Variants in SCEL observed in about 807,000 individuals in gnomAD.
The protein encoded by SCEL is sciellin.
SCEL carries 113 observed loss-of-function variants against 117.6 expected under a neutral mutation model. That is an observed-to-expected ratio of 0.96 (90% CI 0.83 to 1.12). The LOEUF (loss-of-function observed/expected upper bound fraction) is 1.12. SCEL is among the 50% of genes most tolerant of loss of function. The pLI, the probability that SCEL is intolerant of heterozygous loss-of-function variation, is 0.00. For missense variants in SCEL, 785 were observed against 810.8 expected (o/e 0.97, Z 0.39); for synonymous variants, 270 against 256.2 (o/e 1.05, Z -0.51).
At chr13:77,581,153 C>A (rs908477516) in intron 9 of SCEL, among the ~76,000 whole-genome samples, 1 of 152,118 alleles carries the variant, frequency 6.6e-6, no homozygotes, top group Non-Finnish European at 1.5e-5. Flanking sequence ...TAACTGGAAT[C>A]TCTTTTGTAG....
At chr13:77,633,716 G>A (rs1361717537) in intron 28 of SCEL, among the ~76,000 whole-genome samples, 2 of 152,122 alleles carry the variant, frequency 1.3e-5, no homozygotes, top group Non-Finnish European at 2.9e-5. Flanking sequence ...TAAATGACAG[G>A]ACTATTCTCC....
At chr13:77,642,674 T>C in intron 31 of SCEL, 32 bp from the exon 32 acceptor site, 1 of 1,284,390 alleles carries the variant, frequency 7.8e-7, no homozygotes, top group South Asian at 1.3e-5. Flanking sequence ...TCATTTACAA[T>C]GGAAACTTTA....
At chr13:77,586,970 A>G (rs1378834306) in intron 9 of SCEL, among the ~76,000 whole-genome samples, 1 of 152,156 alleles carries the variant, frequency 6.6e-6, no homozygotes, top group Non-Finnish European at 1.5e-5. Flanking sequence ...TTTCTGGCAC[A>G]TAATGACCCC....
intron 9 of SCEL, among the ~76,000 whole-genome samples, chr13:77,573,883 A>G (rs2085789147): frequency 1.3e-5 from 2 of 152,204 alleles, no homozygotes. Context: ...AGTTTAAAAC[A>G]TTCTTTCCCC....
chr13:77,571,737 G>C (rs1459843140), intron 8 of SCEL, among the ~76,000 whole-genome samples: 1 of 148,734 alleles, frequency 6.7e-6, no homozygotes, highest in East Asian at 2.1e-4. Context: ...ATATAGAGTA[G>C]AGTATAAGAT....
At chr13:77,550,145 G>T (rs1254652621) in intron 1 of SCEL, among the ~76,000 whole-genome samples, 1 of 151,796 alleles carries the variant, frequency 6.6e-6, no homozygotes, top group Admixed American at 6.6e-5. Context: ...CAGTACTTCG[G>T]GAGGCTGAGG....
At chr13:77,590,976 C>T (rs951848154) in intron 10 of SCEL, among the ~76,000 whole-genome samples, 1 of 152,046 alleles carries the variant, frequency 6.6e-6, no homozygotes, top group African/African-American at 2.4e-5. Context: ...CTTCTTCCCA[C>T]CTTTTATGAA....
At chr13:77,583,502 A>G (rs2086381361) in intron 9 of SCEL, among the ~76,000 whole-genome samples, 1 of 152,214 alleles carries the variant, frequency 6.6e-6, no homozygotes, top group Non-Finnish European at 1.5e-5. Flanking sequence ...GTTACGGCTC[A>G]TATACTGTTG....
intron 31 of SCEL, among the ~76,000 whole-genome samples, chr13:77,642,452 C>T (rs2090602845): frequency 1.3e-5 from 2 of 152,184 alleles, no homozygotes; most frequent in Admixed American, 6.5e-5. Context: ...ATAACTAGCT[C>T]TCCCTTAAGT....
At chr13:77,558,714 G>A (rs1273066470) in intron 3 of SCEL, among the ~76,000 whole-genome samples, 1 of 151,226 alleles carries the variant, frequency 6.6e-6, no homozygotes, top group Non-Finnish European at 1.5e-5. Flanking sequence ...TACTCAGGAG[G>A]CTGAGACAGG....
At chr13:77,604,238 A>T in intron 18 of SCEL, 118 bp from the exon 19 acceptor site, 2 of 589,698 alleles carry the variant, frequency 3.4e-6, no homozygotes, top group Non-Finnish European at 5.7e-6. Context: ...AGCTTTAAAA[A>T]TTTACATTGA....
chr13:77,639,326 A>G (rs1484323441), intron 30 of SCEL, among the ~76,000 whole-genome samples: 2 of 152,228 alleles, frequency 1.3e-5, no homozygotes, highest in Non-Finnish European at 2.9e-5. Flanking sequence ...GTACAGAACA[A>G]ATAAAAGCAG....
In SCEL at chr13:77,589,150, A is replaced by C. The variant is rs1175862492; in HGVS notation, c.552A>C (p.Pro184=). 6.2e-7 allele frequency: 1 copy of C among 1,611,930 alleles called. No homozygotes were observed. Among genetic ancestry groups the C allele is most frequent in the African/African-American group, 1.3e-5 (1 of 74,846 alleles). ...SSSTGTRRRE[P]GVHPPIPPKP... Reference sequence around the variant, plus strand: ...GCTGTTTTCTGTTTTAAAGGGAACCAGGTGTTCACCCTCCAATACCTCCAA... The same window carrying C: ...GCTGTTTTCTGTTTTAAAGGGAACCCGGTGTTCACCCTCCAATACCTCCAA... The change falls in exon 10 of 33, where the codon CCA becomes CCC. Residue 184 remains proline (P), a synonymous_variant. Transcript: ENST00000349847.
intron 1 of SCEL, among the ~76,000 whole-genome samples, chr13:77,547,929 C>T (rs1288727338): frequency 4.6e-5 from 7 of 152,128 alleles, no homozygotes; most frequent in Admixed American, 3.9e-4. Flanking sequence ...TTCCAGTAAA[C>T]CCACTTTCTT....
chr13:77,543,516 G>T (rs964550227), intron 1 of SCEL, among the ~76,000 whole-genome samples: 3 of 152,120 alleles, frequency 2.0e-5, no homozygotes, highest in African/African-American at 7.2e-5. Context: ...AGATTTTGGG[G>T]TAGTTAAAAT....
intron 27 of SCEL, among the ~76,000 whole-genome samples, chr13:77,626,409 A>G (rs1176558032): frequency 5.9e-5 from 9 of 152,144 alleles, no homozygotes; most frequent in Admixed American, 5.9e-4. Context: ...ACTCATTCTC[A>G]CCACAATTGT....
At chr13:77,577,680 T>G (rs1222086008) in intron 9 of SCEL, among the ~76,000 whole-genome samples, 3 of 152,234 alleles carry the variant, frequency 2.0e-5, no homozygotes, top group Non-Finnish European at 4.4e-5. Context: ...TATAGTTTCC[T>G]TGATGTGTCC....
At chr13:77,590,408 C>T (rs927775295) in intron 10 of SCEL, among the ~76,000 whole-genome samples, 1 of 152,010 alleles carries the variant, frequency 6.6e-6, no homozygotes, top group Admixed American at 6.6e-5. Flanking sequence ...TTATAATGAT[C>T]TCTTAAAAAT....
In SCEL at chr13:77,618,039, C is replaced by T. The variant is rs757360396; in HGVS notation, c.1607C>T (p.Ser536Leu). 1 of 1,613,140 alleles carries T rather than the reference C, an allele frequency of 6.2e-7. No homozygotes were observed. Among genetic ancestry groups the T allele is most frequent in the African/African-American group, 1.3e-5 (1 of 75,010 alleles). Reference sequence around the variant, plus strand: ...GACAATCTTATTAAAGTGAAACCTTCAGCTCTTAGAAACACTAATCGGTAA... The same window carrying T: ...GACAATCTTATTAAAGTGAAACCTTTAGCTCTTAGAAACACTAATCGGTAA... ...DLDNLIKVKP[S>L]ALRNTNRDQN... Residue 536 changes from serine (S) to leucine (L), a missense_variant, in exon 27 of 33, where the codon TCA becomes TTA. Transcript: ENST00000349847.
Sources: allele counts gnomAD v4.1 joint callset (sites outside exome capture counted in the v4.1 genomes callset), GRCh38; gene constraint gnomAD v4.1.1; transcripts MANE v1.5; gene names NCBI Gene and HGNC (gene_info 2026-07-23, HGNC 2026-07-21).